Variants in S100Z observed in about 807,000 individuals in gnomAD.
S100Z encodes S100 calcium binding protein Z.
Under a neutral mutation model 8.5 loss-of-function variants are expected in S100Z, and 11 were observed. The ratio of observed to expected loss-of-function variants is 1.30; its 90% CI spans 0.82 to 2.15. The LOEUF is 2.15. S100Z is among the 30% of genes most tolerant of loss of function. The pLI, the probability that S100Z is intolerant of heterozygous loss-of-function variation, is 0.00. For missense variants in S100Z, 126 were observed against 117.9 expected (o/e 1.07, Z -0.32); for synonymous variants, 34 against 43.8 (o/e 0.78, Z 0.89).
chr5:76,925,295 G>A (rs987952), downstream of S100Z, among the ~76,000 whole-genome samples: 41,070 of 152,088 alleles, frequency 0.27, 6,301 homozygotes, highest in South Asian at 0.6. Flanking sequence ...AGGGGAGTAT[G>A]CGGGGGTGTG....
chr5:76,914,649 A>T (rs542461990), intron 4 of S100Z, among the ~76,000 whole-genome samples: 9 of 152,130 alleles, frequency 5.9e-5, no homozygotes, highest in African/African-American at 2.2e-4. Flanking sequence ...AGCCACTGAG[A>T]CCATGGACCC....
chr5:76,938,508 C>T, the S100Z span, among the ~76,000 whole-genome samples: 2 of 152,194 alleles, frequency 1.3e-5, no homozygotes, highest in Non-Finnish European at 2.9e-5. Context: ...GCTTTTGAGG[C>T]TGCTTCTGAA....
At chr5:76,874,835 A>T (rs1288352414) in intron 2 of S100Z, among the ~76,000 whole-genome samples, 1 of 152,148 alleles carries the variant, frequency 6.6e-6, no homozygotes, top group Non-Finnish European at 1.5e-5. Flanking sequence ...GCTTATTTGC[A>T]GCTTGCCCCA....
chr5:76,885,991 G>T (rs1382457779), intron 4 of S100Z, among the ~76,000 whole-genome samples: 1 of 149,854 alleles, frequency 6.7e-6, no homozygotes, highest in Non-Finnish European at 1.5e-5. Context: ...GGGGGTGCTT[G>T]TCCCCCAGAA....
the S100Z span, chr5:76,952,797 C>T: frequency 2.0e-5 from 6 of 304,214 alleles, no homozygotes; most frequent in Non-Finnish European, 3.1e-5. Context: ...AATGCACTCC[C>T]TTATTCTTTG....
At chr5:76,907,314 G>GTTTTTT (rs1168274015) in intron 4 of S100Z, among the ~76,000 whole-genome samples, 1 of 151,194 alleles carries the variant, frequency 6.6e-6, no homozygotes, top group Non-Finnish European at 1.5e-5. Context: ...TAATTCTTTT[G>GTTTTTT]TTTTTTTGAG....
chr5:76,944,954 G>C, the S100Z span, among the ~76,000 whole-genome samples: 24 of 152,192 alleles, frequency 1.6e-4, no homozygotes, highest in Non-Finnish European at 2.8e-4. Context: ...AAGGCTGAAG[G>C]GAGTTGTAGG....
rs141006615 is a variant in S100Z, at chr5:76,889,159, T to C, written c.*2+11325T>C. Among the ~76,000 whole-genome samples the C allele has an allele frequency of 5.9e-5, 9 of 152,290 alleles. No homozygotes were observed. In the East Asian group the frequency reaches 1.7e-3, roughly 29 times the overall value. On this transcript the variant is annotated intron_variant, in intron 4 of 4. Coordinates refer to ENST00000317593, the MANE Select transcript of S100Z (RefSeq NM_130772.4). ...ATTACCTGAGCAGGACTTCCCTCTC[T>C]CGGCTTTGGAGCCCCCTTCCCTCTG...
chr5:76,939,238 C>T, the S100Z span, among the ~76,000 whole-genome samples: 3 of 151,298 alleles, frequency 2.0e-5, no homozygotes, highest in South Asian at 2.1e-4. Context: ...CTGCAAGCTC[C>T]GCCTCCCGGG....
At chr5:76,936,462 T>G in the S100Z span, among the ~76,000 whole-genome samples, 1 of 152,268 alleles carries the variant, frequency 6.6e-6, no homozygotes, top group South Asian at 2.1e-4. Context: ...TTTTTCTTTT[T>G]TATTTATATT....
chr5:76,938,375 G>C, the S100Z span, among the ~76,000 whole-genome samples: 1 of 152,120 alleles, frequency 6.6e-6, no homozygotes, highest in Non-Finnish European at 1.5e-5. Context: ...CTGGCTTTGG[G>C]GATTTTTGGG....
the S100Z span, among the ~76,000 whole-genome samples, chr5:76,929,478 G>C: frequency 6.6e-6 from 1 of 152,134 alleles, no homozygotes; most frequent in Non-Finnish European, 1.5e-5. Context: ...TAAAAGCATT[G>C]TTTCCAAATT....
intron 4 of S100Z, among the ~76,000 whole-genome samples, chr5:76,879,397 C>A (rs980661656): frequency 2.0e-5 from 3 of 152,142 alleles, no homozygotes; most frequent in African/African-American, 7.2e-5. Context: ...TTACATGCAA[C>A]CAAACACAAT....
intron 4 of S100Z, among the ~76,000 whole-genome samples, chr5:76,917,123 CAAAAAAAAAAA>C (rs35232494): frequency 6.1e-5 from 5 of 81,320 alleles, no homozygotes; most frequent in Admixed American, 1.6e-4. Context: ...GAGACTGTCT[CAAAAAAAAAAA>C]AAAAAAAAAA....
downstream of S100Z, among the ~76,000 whole-genome samples, chr5:76,925,558 C>T (rs745547696): frequency 6.6e-6 from 1 of 152,170 alleles, no homozygotes; most frequent in Non-Finnish European, 1.5e-5. Flanking sequence ...TCAATTCCCA[C>T]AAGCACTTTT....
At chr5:76,893,282 C>T (rs1188373808) in intron 4 of S100Z, among the ~76,000 whole-genome samples, 1 of 152,078 alleles carries the variant, frequency 6.6e-6, no homozygotes, top group East Asian at 1.9e-4. Flanking sequence ...TTCTGCACCC[C>T]CATCAAGAAG....
At chr5:76,878,412 C>T (rs1198018474) in intron 4 of S100Z, among the ~76,000 whole-genome samples, 1 of 152,176 alleles carries the variant, frequency 6.6e-6, no homozygotes, top group Admixed American at 6.5e-5. Context: ...CCCTCCTTTG[C>T]CCCTTGGGTT....
intron 4 of S100Z, among the ~76,000 whole-genome samples, chr5:76,895,947 G>A (rs1262837717): frequency 6.6e-6 from 1 of 151,778 alleles, no homozygotes; most frequent in African/African-American, 2.4e-5. Context: ...ATTTTTAGTA[G>A]AGATGGGGTT....
At chr5:76,909,371 G>A (rs1278981665) in intron 4 of S100Z, among the ~76,000 whole-genome samples, 1 of 152,054 alleles carries the variant, frequency 6.6e-6, no homozygotes, top group African/African-American at 2.4e-5. Flanking sequence ...TCTCTGATGG[G>A]GAAAAATGGC....
Sources: allele counts gnomAD v4.1 joint callset (sites outside exome capture counted in the v4.1 genomes callset), GRCh38; gene constraint gnomAD v4.1.1; transcripts MANE v1.5; gene names NCBI Gene and HGNC (gene_info 2026-07-23, HGNC 2026-07-21).